HUNK: variants seen among roughly 807,000 people sequenced by gnomAD.
HUNK encodes the protein hormonally up-regulated neu tumor-associated kinase.
Under a neutral mutation model 61.0 loss-of-function variants are expected in HUNK, and 21 were observed. The observed-to-expected ratio is 0.34, with a 90% CI of 0.24 to 0.50. HUNK has a LOEUF of 0.50. Among genes scored for constraint, HUNK ranks in the 20% least tolerant of loss-of-function variants. The pLI is 0.98. For synonymous variants in HUNK, 371 were observed against 386.1 expected (o/e 0.96, Z 0.46); for missense variants, 772 against 945.7 (o/e 0.82, Z 2.41).
rs1409977925 is a variant in HUNK at position 31,999,036 on chromosome 21, T to G, written c.1997T>G (p.Met666Arg). 6 of 1,614,166 alleles carry G rather than the reference T, an allele frequency of 3.7e-6. No individual in the cohort carries two copies. Among genetic ancestry groups the G allele is most frequent in the Admixed American group, 1.7e-5 (1 of 60,024 alleles). ...CVKSRGRFPM[M>R]GIGQMLRKRH... ...AAAAGCCGAGGCCGGTTCCCTATGA[T>G]GGGCATCGGACAGATGTTAAGGAAG... Residue 666 changes from methionine to arginine, a missense_variant, in exon 11 of 11, where the codon ATG becomes AGG. Met to Arg is a moderately conservative substitution (Grantham distance 91). Transcript: ENST00000270112.
intron 4 of HUNK, among the ~76,000 whole-genome samples, chr21:31,950,114 G>GT (rs956541545): frequency 2.6e-5 from 4 of 152,132 alleles, no homozygotes; most frequent in African/African-American, 9.7e-5. Context: ...CTCTGGTGGG[G>GT]TTTACATGCT....
intron 1 of HUNK, among the ~76,000 whole-genome samples, chr21:31,923,913 A>C (rs2052641694): frequency 6.6e-6 from 1 of 152,122 alleles, no homozygotes. Context: ...CTGAGGCTTG[A>C]GGGTGTGCAC....
rs116916038 is a variant in HUNK at position 31,959,191 on chromosome 21, A to G, written c.874+221A>G. On this transcript the variant is annotated intron_variant, in intron 5 of 10. Transcript: ENST00000270112. ...CCTGTATCCTTTCCTGTTCTGTTCTATCTGAACCCCTAACTTCTCCTTCCT... is the reference window on the plus strand; with the variant it reads ...CCTGTATCCTTTCCTGTTCTGTTCTGTCTGAACCCCTAACTTCTCCTTCCT... Among the ~76,000 whole-genome samples the G allele has an allele frequency of 1.8e-3, 267 of 152,156 alleles. 1 individual carries two copies. Among genetic ancestry groups the G allele is most frequent in the Non-Finnish European group, 3.1e-3 (211 of 68,010 alleles).
chr21:31,924,341 GT>G lies in HUNK; in HGVS notation c.262-123del. On this transcript the variant is annotated intron_variant, in intron 1 of 10. Coordinates refer to ENST00000270112, the MANE Select transcript of HUNK (RefSeq NM_014586.2). The surrounding 1 kb of genome is among the most constrained non-coding windows in gnomAD (Gnocchi z 5.1). ...TATATATATATTTTCTGTTGATGCTGTTTTAGGTAAGGTGTTTCTCCTCTGC... is the reference window on the plus strand; with the variant it reads ...TATATATATATTTTCTGTTGATGCTGTTTAGGTAAGGTGTTTCTCCTCTGC... The G allele has an allele frequency of 1.4e-6, 1 of 714,298 alleles. No individual in the cohort carries two copies. The highest frequency in any genetic ancestry group is 2.3e-6 in the Non-Finnish European group (1 of 437,684). The allele number at this position is 714,298 out of a possible 1,614,324, so 44.2% of individuals were successfully genotyped here.
intron 4 of HUNK, among the ~76,000 whole-genome samples, chr21:31,950,928 A>T (rs372705264): frequency 6.6e-6 from 1 of 152,122 alleles, no homozygotes; most frequent in South Asian, 2.1e-4. Context: ...TTTATCCACA[A>T]CTTCTGAGAT....
chr21:31,929,459 C>G (rs1434252583), intron 2 of HUNK, among the ~76,000 whole-genome samples: 1 of 152,042 alleles, frequency 6.6e-6, no homozygotes, highest in Non-Finnish European at 1.5e-5. Flanking sequence ...TTTTCCTTCC[C>G]CTAAACGTGC....
At chr21:31,922,483 C>T (rs112966406) in intron 1 of HUNK, among the ~76,000 whole-genome samples, 4 of 152,172 alleles carry the variant, frequency 2.6e-5, no homozygotes, top group African/African-American at 7.2e-5. Flanking sequence ...TCCACCACCA[C>T]GCCCATCTAA....
At chr21:31,972,884 A>G (rs2053021562) in intron 6 of HUNK, among the ~76,000 whole-genome samples, 1 of 151,856 alleles carries the variant, frequency 6.6e-6, no homozygotes. Context: ...GACCGGTGGC[A>G]GGCAATGGTC....
At chr21:31,916,196 A>G (rs1022591867) in intron 1 of HUNK, among the ~76,000 whole-genome samples, 16 of 151,402 alleles carry the variant, frequency 1.1e-4, no homozygotes, top group African/African-American at 2.2e-4. Context: ...GACTACAGGC[A>G]CCCACCACCA....
intron 7 of HUNK, among the ~76,000 whole-genome samples, chr21:31,981,258 A>G (rs2053095606): frequency 6.6e-6 from 1 of 151,980 alleles, no homozygotes; most frequent in South Asian, 2.1e-4. Flanking sequence ...TGGTTTCTAT[A>G]GCTTTGTGAT....
chr21:31,926,545 G>A (rs571987468), intron 2 of HUNK, among the ~76,000 whole-genome samples: 6 of 151,924 alleles, frequency 3.9e-5, no homozygotes, highest in Admixed American at 2.0e-4. Flanking sequence ...TTTACTTTCC[G>A]TGTCTATGGA....
intron 8 of HUNK, among the ~76,000 whole-genome samples, chr21:31,988,892 A>G (rs2053152763): frequency 6.7e-6 from 1 of 148,294 alleles, no homozygotes; most frequent in Non-Finnish European, 1.5e-5. Flanking sequence ...GTGCAGTGAC[A>G]CAATCATATT....
intron 7 of HUNK, among the ~76,000 whole-genome samples, chr21:31,977,818 T>C (rs2053061293): frequency 6.6e-6 from 1 of 152,168 alleles, no homozygotes; most frequent in South Asian, 2.1e-4. Flanking sequence ...TCCCAGCTAC[T>C]CAGGAGGCTG....
At chr21:31,909,725 G>A (rs1350478559) in intron 1 of HUNK, among the ~76,000 whole-genome samples, 1 of 152,160 alleles carries the variant, frequency 6.6e-6, no homozygotes, top group Admixed American at 6.5e-5. Context: ...CTGCAAATCG[G>A]AGCAACACTG....
intron 1 of HUNK, among the ~76,000 whole-genome samples, chr21:31,920,307 A>T (rs2052614352): frequency 6.6e-6 from 1 of 152,190 alleles, no homozygotes; most frequent in African/African-American, 2.4e-5. Flanking sequence ...CCTTTTTCCA[A>T]ATAAAGTCAC....
At chr21:31,898,187 T>G (rs1016523636) in intron 1 of HUNK, among the ~76,000 whole-genome samples, 1 of 84,658 alleles carries the variant, frequency 1.2e-5, no homozygotes, top group Non-Finnish European at 2.3e-5. Flanking sequence ...CCATATACTC[T>G]GTAGTGAAAC....
In HUNK at chr21:31,924,776, C is replaced by G. The variant is rs764591309; in HGVS notation, c.554+16C>G. The G allele has an allele frequency of 1.3e-6, 2 of 1,569,220 alleles. No individual in the cohort carries two copies. Among genetic ancestry groups the G allele is most frequent in the Non-Finnish European group, 1.7e-6 (2 of 1,158,446 alleles). ...TGGTCCACAGGTAAGGGCCAGGCCA[C>G]GCTGGTGATCGCTGACTGTGTGCTC... On this transcript the variant is annotated intron_variant, in intron 2 of 10. Coordinates refer to ENST00000270112, the MANE Select transcript of HUNK (RefSeq NM_014586.2). The surrounding 1 kb of genome is among the most constrained non-coding windows in gnomAD (Gnocchi z 5.1).
intron 4 of HUNK, among the ~76,000 whole-genome samples, chr21:31,949,575 G>GCACA (rs148673553): frequency 0.014 from 2,149 of 150,596 alleles, 49 homozygotes; most frequent in African/African-American, 0.048. Context: ...AAGAATTTGT[G>GCACA]CACACACACA....
intron 1 of HUNK, among the ~76,000 whole-genome samples, chr21:31,909,854 T>C (rs913670424): frequency 6.6e-6 from 1 of 152,214 alleles, no homozygotes; most frequent in Non-Finnish European, 1.5e-5. Flanking sequence ...GAAGATGGCG[T>C]GAAACCAATT....
Sources: gnomAD v4.1 joint callset for allele counts (sites outside exome capture counted in the v4.1 genomes callset) on GRCh38, gnomAD v4.1.1 for gene constraint, Gnocchi (gnomAD v3.1) non-coding constraint, MANE v1.5 for transcripts, NCBI Gene and HGNC (gene_info 2026-07-23, HGNC 2026-07-21) for gene names.